ENAH: variants seen among roughly 807,000 people sequenced by gnomAD.
The protein encoded by ENAH is protein enabled homolog.
A neutral mutation model predicts 78.7 loss-of-function variants in ENAH; 23 were observed. The observed-to-expected ratio is 0.29, with a 90% CI of 0.21 to 0.41. The LOEUF (loss-of-function observed/expected upper bound fraction) is 0.41. ENAH is among the 10% of genes least tolerant of loss of function. The pLI is 1.00. For synonymous variants in ENAH, 226 were observed against 241.0 expected, an observed-to-expected ratio of 0.94 and a Z score of 0.58; for missense variants, 544 against 691.0, an observed-to-expected ratio of 0.79 and a Z score of 2.39.
chr1:225,556,609 CAT>C (rs2096668208), intron 2 of ENAH, among the ~76,000 whole-genome samples: 1 of 152,196 alleles, frequency 6.6e-6, no homozygotes, highest in Non-Finnish European at 1.5e-5. Flanking sequence ...ATCTGTGATG[CAT>C]ATATCTTATG....
chr1:225,516,792 G>T (rs1273010055), intron 6 of ENAH, among the ~76,000 whole-genome samples: 2 of 151,582 alleles, frequency 1.3e-5, no homozygotes, highest in Non-Finnish European at 2.9e-5. Flanking sequence ...GAGAATTGCT[G>T]GAACCCGGGA....
chr1:225,648,006 A>G (rs898755371), intron 1 of ENAH, among the ~76,000 whole-genome samples: 2 of 152,154 alleles, frequency 1.3e-5, no homozygotes, highest in Non-Finnish European at 2.9e-5. Flanking sequence ...ATAGTGGGGG[A>G]CAAGGGGGTT....
intron 3 of ENAH, among the ~76,000 whole-genome samples, chr1:225,550,690 T>C (rs926954437): frequency 6.6e-6 from 1 of 151,976 alleles, no homozygotes; most frequent in Non-Finnish European, 1.5e-5. Flanking sequence ...CTCTAGAAAA[T>C]TTCAACCATA....
At chr1:225,593,353 A>G (rs140691246) in intron 1 of ENAH, among the ~76,000 whole-genome samples, 2,594 of 122,936 alleles carry the variant, frequency 0.021, 34 homozygotes, top group Non-Finnish European at 0.028. Context: ...TGTCATCTAC[A>G]GTGTGCTCCA....
At chr1:225,569,814 G>A (rs1053539101) in intron 1 of ENAH, among the ~76,000 whole-genome samples, 13 of 152,158 alleles carry the variant, frequency 8.5e-5, no homozygotes, top group Non-Finnish European at 1.8e-4. Flanking sequence ...CTATGGGTAA[G>A]AGCTGAGGTG....
intron 1 of ENAH, among the ~76,000 whole-genome samples, chr1:225,645,214 G>A (rs1230096756): frequency 3.9e-5 from 6 of 152,156 alleles, no homozygotes; most frequent in Non-Finnish European, 7.3e-5. Flanking sequence ...AACAACTCAC[G>A]TAAAAAGCAA....
In ENAH at chr1:225,496,025, A is replaced by C. The variant is rs1019794493; in HGVS notation, c.*1750T>G. ...ACTATCAACAAGCTTTGCTTTATGG[A>C]CTGAGATGTACAAAATCTAGAAAGC... On this transcript the variant is annotated 3_prime_UTR_variant, in exon 14 of 14. Transcript: ENST00000366843. 1 of 152,612 alleles carries C rather than the reference A, an allele frequency of 6.6e-6. No homozygotes were observed. Among genetic ancestry groups the C allele is most frequent in the African/African-American group, 2.4e-5 (1 of 41,452 alleles). 9.5% of individuals were successfully genotyped at this position (152,612 alleles called of 1,614,324 possible).
chr1:225,558,356 G>A (rs2096678954), intron 2 of ENAH, among the ~76,000 whole-genome samples: 1 of 152,042 alleles, frequency 6.6e-6, no homozygotes, highest in Non-Finnish European at 1.5e-5. Flanking sequence ...GCTAAACAAA[G>A]TTTTCTTCCT....
intron 1 of ENAH, among the ~76,000 whole-genome samples, chr1:225,621,361 C>T (rs1016038454): frequency 6.6e-6 from 1 of 150,466 alleles, no homozygotes; most frequent in African/African-American, 2.4e-5. Context: ...GGCGGGATCT[C>T]GGCTCACTGC....
chr1:225,550,639 C>T (rs2096636886), intron 3 of ENAH, among the ~76,000 whole-genome samples: 1 of 151,844 alleles, frequency 6.6e-6, no homozygotes. Flanking sequence ...GTATGTCAGG[C>T]CAAATTATCA....
rs149413176 is a variant in ENAH at position 225,507,957 on chromosome 1, A to G, written c.1532T>C (p.Ile511Thr). The G allele has an allele frequency of 3.2e-6, 5 of 1,546,652 alleles. No individual in the cohort carries two copies. Among genetic ancestry groups the G allele is most frequent in the Non-Finnish European group, 4.3e-6 (5 of 1,155,876 alleles). ...NTMNGSKSPV[I>T]SRPKSTPLSQ... ...TAGAGAAAAAAATTGATACCTGGAG[A>G]TAACAGGTGACTTGCTGCCATTCAT... The change falls in exon 11 of 14, where the codon ATC becomes ACC. Residue 511 changes from isoleucine to threonine, a missense_variant. By Grantham distance (89) the Ile-to-Thr change is moderately conservative. Transcript: ENST00000366843.
chr1:225,554,809 A>G, intron 3 of ENAH, 97 bp downstream of exon 3: 1 of 1,044,648 alleles, frequency 9.6e-7, no homozygotes, highest in East Asian at 2.5e-5. Flanking sequence ...GTTTTAACAT[A>G]CACATGGCAC....
intron 1 of ENAH, among the ~76,000 whole-genome samples, chr1:225,649,633 G>A (rs891505358): frequency 2.0e-5 from 3 of 152,114 alleles, no homozygotes; most frequent in Non-Finnish European, 4.4e-5. Context: ...TCCTGTATAA[G>A]TAATATGCTT....
intron 1 of ENAH, among the ~76,000 whole-genome samples, chr1:225,651,364 A>T (rs2148527120): frequency 6.6e-6 from 1 of 152,298 alleles, no homozygotes; most frequent in African/African-American, 2.4e-5. Flanking sequence ...ATATATATAA[A>T]AGCAAAATGG....
intron 1 of ENAH, among the ~76,000 whole-genome samples, chr1:225,637,214 T>C (rs1660218964): frequency 6.6e-6 from 1 of 152,080 alleles, no homozygotes; most frequent in Non-Finnish European, 1.5e-5. Context: ...TCTGTTGTTG[T>C]TGCTTGGTTG....
chr1:225,564,586 C>T (rs552713169), intron 2 of ENAH, among the ~76,000 whole-genome samples: 6 of 151,794 alleles, frequency 4.0e-5, no homozygotes, highest in South Asian at 2.1e-4. Context: ...AGCACCACCA[C>T]GCCTGGCCTG....
chr1:225,540,540 A>G (rs2096584108), intron 3 of ENAH, among the ~76,000 whole-genome samples: 1 of 152,176 alleles, frequency 6.6e-6, no homozygotes, highest in Non-Finnish European at 1.5e-5. Context: ...AAGATAGGGC[A>G]ATTCTGGGCA....
intron 1 of ENAH, among the ~76,000 whole-genome samples, chr1:225,642,070 G>A (rs775735743): frequency 1.3e-5 from 2 of 151,574 alleles, no homozygotes; most frequent in Non-Finnish European, 2.9e-5. Context: ...GCATGGTGAC[G>A]CACACCTGTA....
Position 225,491,717 on chromosome 1 carries a change from A to AG in ENAH, c.*6057dup, listed in dbSNP as rs1467844211. 1.3e-5 allele frequency: 2 copies of AG among 152,212 alleles called. No homozygotes were observed. The highest frequency in any genetic ancestry group is 2.9e-5 in the Non-Finnish European group (2 of 68,046). The allele number at this position is 152,212 out of a possible 1,614,324, so 9.4% of individuals were successfully genotyped here. On this transcript the variant is annotated 3_prime_UTR_variant, in exon 14 of 14. Coordinates refer to ENST00000366843, the MANE Select transcript of ENAH (RefSeq NM_018212.6). ...AAAATTAACTCTCAATCTAAACACT[A>AG]GCCAATGTAGACTTTTTCTTCTGAG...
Sources: gnomAD v4.1 joint callset for allele counts (sites outside exome capture counted in the v4.1 genomes callset) on GRCh38, gnomAD v4.1.1 for gene constraint, MANE v1.5 for transcripts, NCBI Gene and HGNC (gene_info 2026-07-23, HGNC 2026-07-21) for gene names.